The following NLGN1 variants were observed in gnomAD, a reference collection of about 807,000 sequenced individuals.
NLGN1 encodes the protein neuroligin 1, also known as neuroligin-1.
In NLGN1, 12 loss-of-function variants were observed where a neutral mutation model predicts 65.5. That is an observed-to-expected ratio of 0.18 (90% CI 0.12 to 0.30). The LOEUF is 0.30. Among genes scored for constraint, NLGN1 ranks in the 10% least tolerant of loss-of-function variants. The pLI is 1.00. For synonymous variants in NLGN1, 350 were observed against 359.5 expected, an observed-to-expected ratio of 0.97 and a Z score of 0.30; for missense variants, 750 against 1,007.1, an observed-to-expected ratio of 0.74 and a Z score of 3.46.
chr3:173,935,432 T>A (rs892682791), intron 4 of NLGN1, among the ~76,000 whole-genome samples: 1 of 152,084 alleles, frequency 6.6e-6, no homozygotes, highest in Admixed American at 6.6e-5. Context: ...CATGAAAATA[T>A]GGACTTTTTT....
chr3:173,925,857 C>T (rs1386361911), intron 4 of NLGN1, among the ~76,000 whole-genome samples: 1 of 151,894 alleles, frequency 6.6e-6, no homozygotes, highest in African/African-American at 2.4e-5. Context: ...CATTACAGTA[C>T]CTTTAAAAAG....
intron 4 of NLGN1, among the ~76,000 whole-genome samples, chr3:174,173,710 T>TTG (rs142590328): frequency 0.02 from 2,917 of 149,182 alleles, 80 homozygotes; most frequent in African/African-American, 0.061. Context: ...GTGTGTATGT[T>TTG]TGTGTGTGTG....
chr3:174,186,620 C>T (rs1009226060), intron 4 of NLGN1, among the ~76,000 whole-genome samples: 2 of 151,964 alleles, frequency 1.3e-5, no homozygotes, highest in African/African-American at 4.8e-5. Flanking sequence ...GTGATATCTC[C>T]CTTAAGAAAT....
intron 3 of NLGN1, among the ~76,000 whole-genome samples, chr3:173,759,883 G>A (rs899657824): frequency 5.3e-5 from 8 of 151,416 alleles, no homozygotes; most frequent in South Asian, 2.1e-4. Flanking sequence ...TGTCCTCTAA[G>A]GGCTTTATTG....
chr3:173,902,163 A>G (rs1737500823), intron 4 of NLGN1, among the ~76,000 whole-genome samples: 1 of 152,046 alleles, frequency 6.6e-6, no homozygotes, highest in African/African-American at 2.4e-5. Context: ...CCATACTCCT[A>G]ACTTCTTTTA....
At chr3:174,242,597 C>T (rs576503494) in intron 4 of NLGN1, among the ~76,000 whole-genome samples, 84 of 152,080 alleles carry the variant, frequency 5.5e-4, no homozygotes, top group Non-Finnish European at 9.4e-4. Flanking sequence ...AGGTTGTGTG[C>T]TTCTTATGAG....
intron 2 of NLGN1, among the ~76,000 whole-genome samples, chr3:173,477,620 ACC>A (rs1553862091): frequency 6.6e-6 from 1 of 152,118 alleles, no homozygotes; most frequent in Non-Finnish European, 1.5e-5. Context: ...GTAGAAAGGG[ACC>A]TCCTGAAGGG....
At chr3:174,205,812 T>C (rs1735289809) in intron 4 of NLGN1, among the ~76,000 whole-genome samples, 1 of 152,184 alleles carries the variant, frequency 6.6e-6, no homozygotes, top group Non-Finnish European at 1.5e-5. Context: ...GTTTCCACAA[T>C]ATATACTAGA....
intron 4 of NLGN1, among the ~76,000 whole-genome samples, chr3:173,952,863 C>T (rs1387700123): frequency 6.6e-6 from 1 of 151,408 alleles, no homozygotes; most frequent in Non-Finnish European, 1.5e-5. Context: ...CTGCAACCTC[C>T]ACCTCCCAAG....
intron 4 of NLGN1, among the ~76,000 whole-genome samples, chr3:174,100,384 C>T (rs369944791): frequency 3.3e-5 from 5 of 152,154 alleles, no homozygotes; most frequent in Admixed American, 2.0e-4. Context: ...TTTTATTGAG[C>T]TCTACCCCAC....
chr3:173,479,562 C>T (rs1342571928), intron 2 of NLGN1, among the ~76,000 whole-genome samples: 1 of 152,080 alleles, frequency 6.6e-6, no homozygotes, highest in Non-Finnish European at 1.5e-5. Context: ...TGCATTTTAG[C>T]CTCAAGGGAA....
intron 3 of NLGN1, among the ~76,000 whole-genome samples, chr3:173,626,498 A>G (rs1052511970): frequency 1.3e-5 from 2 of 152,108 alleles, no homozygotes; most frequent in Admixed American, 6.6e-5. Flanking sequence ...TTTTGCTGAA[A>G]TTTTGTCATA....
chr3:173,845,641 T>TAGAC (rs1191976400), intron 4 of NLGN1, among the ~76,000 whole-genome samples: 2 of 151,972 alleles, frequency 1.3e-5, no homozygotes, highest in Non-Finnish European at 2.9e-5. Context: ...GATAGATAGA[T>TAGAC]AGATAGATAA....
At chr3:173,725,655 C>T (rs1469064433) in intron 3 of NLGN1, among the ~76,000 whole-genome samples, 3 of 152,160 alleles carry the variant, frequency 2.0e-5, no homozygotes, top group African/African-American at 7.2e-5. Flanking sequence ...CTTCTTAAAA[C>T]CACATACATT....
intron 2 of NLGN1, among the ~76,000 whole-genome samples, chr3:173,542,149 A>C (rs187381714): frequency 1.1e-3 from 168 of 152,062 alleles, no homozygotes; most frequent in African/African-American, 3.8e-3. Flanking sequence ...ATTATTTTAT[A>C]AAATTTTAGC....
chr3:173,770,626 G>T (rs897453228), intron 3 of NLGN1, among the ~76,000 whole-genome samples: 1 of 152,044 alleles, frequency 6.6e-6, no homozygotes, highest in Non-Finnish European at 1.5e-5. Flanking sequence ...ATGATAAAAA[G>T]AATAGATTTT....
chr3:173,957,531 C>A (rs887345587), intron 4 of NLGN1, among the ~76,000 whole-genome samples: 1 of 152,064 alleles, frequency 6.6e-6, no homozygotes, highest in African/African-American at 2.4e-5. Flanking sequence ...GATTTTTAGC[C>A]CAGAATAACA....
chr3:174,091,266 CTT>C (rs1744466631), intron 4 of NLGN1, among the ~76,000 whole-genome samples: 3 of 152,174 alleles, frequency 2.0e-5, no homozygotes, highest in Admixed American at 2.0e-4. Context: ...ATAGCTTTCT[CTT>C]ATAACCATCA....
intron 4 of NLGN1, among the ~76,000 whole-genome samples, chr3:173,927,370 C>T (rs1743200773): frequency 1.3e-5 from 2 of 152,104 alleles, no homozygotes; most frequent in Admixed American, 6.6e-5. Context: ...CAAATTGCCT[C>T]ATTTTTTAGT....
Sources: gnomAD v4.1 joint callset for allele counts (sites outside exome capture counted in the v4.1 genomes callset) on GRCh38, gnomAD v4.1.1 for gene constraint, MANE v1.5 for transcripts, NCBI Gene and HGNC (gene_info 2026-07-23, HGNC 2026-07-21) for gene names.